Variants in KCNIP4 observed in about 807,000 individuals in gnomAD.
The protein encoded by KCNIP4 is potassium voltage-gated channel interacting protein 4.
KCNIP4 carries 12 observed loss-of-function variants against 34.0 expected under a neutral mutation model. The observed-to-expected ratio is 0.35, with a 90% CI of 0.23 to 0.57. The LOEUF (loss-of-function observed/expected upper bound fraction) is 0.57. Among genes scored for constraint, KCNIP4 ranks in the 20% least tolerant of loss-of-function variants. The pLI is 0.83. For missense variants in KCNIP4, 238 were observed against 311.7 expected (o/e 0.76, Z 1.78); for synonymous variants, 124 against 102.2 (o/e 1.21, Z -1.29).
chr4:21,319,692 C>A (rs2109297117), intron 1 of KCNIP4, among the ~76,000 whole-genome samples: 1 of 152,230 alleles, frequency 6.6e-6, no homozygotes, highest in East Asian at 1.9e-4. Context: ...TCCTGGCCAC[C>A]CTACACAGAT....
chr4:21,610,498 T>C (rs1169338725), intron 1 of KCNIP4, among the ~76,000 whole-genome samples: 3 of 152,318 alleles, frequency 2.0e-5, no homozygotes, highest in African/African-American at 4.8e-5. Context: ...TTTGAGGTAC[T>C]GGAACGTATT....
At position 21,398,788 on chromosome 4, in the gene KCNIP4, C is replaced by T. The variant is rs535151265; in HGVS notation, c.62-516079G>A. ...TCTTTCTTTCTCACTTTTTCTCTCT[C>T]GTAATCTCCTTCTTGCTATCATTCA... is the stretch of plus-strand genomic sequence containing the variant. On this transcript the variant is annotated intron_variant, in intron 1 of 8. Coordinates refer to ENST00000382152, the MANE Select transcript of KCNIP4 (RefSeq NM_025221.6). Among the ~76,000 whole-genome samples the T allele has an allele frequency of 2.6e-5, 4 of 152,296 alleles. No individual in the cohort carries two copies. The East Asian group carries it at 5.8e-4, about 22-fold the overall frequency.
chr4:21,035,357 A>G (rs1022018051), intron 1 of KCNIP4, among the ~76,000 whole-genome samples: 1 of 152,228 alleles, frequency 6.6e-6, no homozygotes, highest in Non-Finnish European at 1.5e-5. Flanking sequence ...ATGAAAAAGT[A>G]GAGTGGTTGA....
intron 1 of KCNIP4, among the ~76,000 whole-genome samples, chr4:21,078,542 C>T (rs1032577972): frequency 6.6e-6 from 1 of 151,984 alleles, no homozygotes; most frequent in Non-Finnish European, 1.5e-5. Context: ...ACTCTACCCT[C>T]ATGATCTAAC....
At chr4:21,524,067 TCTC>T (rs1735770339) in intron 1 of KCNIP4, among the ~76,000 whole-genome samples, 1 of 152,156 alleles carries the variant, frequency 6.6e-6, no homozygotes, top group Non-Finnish European at 1.5e-5. Context: ...TCTGAGCCTC[TCTC>T]CTCCTCCTTT....
At chr4:21,054,294 G>C (rs528247381) in intron 1 of KCNIP4, among the ~76,000 whole-genome samples, 1 of 151,964 alleles carries the variant, frequency 6.6e-6, no homozygotes, top group Non-Finnish European at 1.5e-5. Flanking sequence ...TGAGGTGGGC[G>C]GATCACTTGA....
At chr4:20,946,046 A>G (rs1732161136) in intron 1 of KCNIP4, among the ~76,000 whole-genome samples, 1 of 152,136 alleles carries the variant, frequency 6.6e-6, no homozygotes, top group African/African-American at 2.4e-5. Context: ...AATACTGAGA[A>G]GTTTATATAT....
At chr4:21,901,765 G>A (rs1261719306) in intron 1 of KCNIP4, among the ~76,000 whole-genome samples, 1 of 151,888 alleles carries the variant, frequency 6.6e-6, no homozygotes, top group Non-Finnish European at 1.5e-5. Flanking sequence ...CACAAACTTT[G>A]TTTTCATACA....
At position 20,984,671 on chromosome 4, in the gene KCNIP4, A is replaced by T. The variant is rs894348624; in HGVS notation, c.62-101962T>A. 5.9e-5 allele frequency among the ~76,000 whole-genome samples: 9 copies of T among 152,314 alleles called. 1 individual carries two copies. Among genetic ancestry groups the T allele is most frequent in the Admixed American group, 2.0e-4 (3 of 15,294 alleles). ...TCTCCGCTGTCACGTCGGGCGCATT[A>T]TCAGGGAGATTGATTTAGTCCTTAT... On this transcript the variant is annotated intron_variant, in intron 1 of 8. Transcript: ENST00000382152.
chr4:20,738,261 C>T (rs143496607), intron 5 of KCNIP4, among the ~76,000 whole-genome samples: 24 of 152,138 alleles, frequency 1.6e-4, no homozygotes, highest in African/African-American at 3.6e-4. Context: ...TCAATGTAAA[C>T]GATATTTTTA....
At chr4:20,860,286 C>T (rs1410526057) in intron 2 of KCNIP4, among the ~76,000 whole-genome samples, 2 of 152,038 alleles carry the variant, frequency 1.3e-5, no homozygotes, top group Non-Finnish European at 1.5e-5. Flanking sequence ...ATTACAGGAA[C>T]GCCCCACCAC....
At chr4:21,948,445 T>C in intron 1 of KCNIP4, 126 bp downstream of exon 1, 1 of 1,032,876 alleles carries the variant, frequency 9.7e-7, no homozygotes, top group African/African-American at 1.6e-5. Flanking sequence ...TCCCGCCAGG[T>C]GACTGTGTCT....
chr4:21,773,778 G>GTTTTTTTTTT (rs1718992965), intron 1 of KCNIP4, among the ~76,000 whole-genome samples: 1 of 117,704 alleles, frequency 8.5e-6, no homozygotes, highest in African/African-American at 4.3e-5. Flanking sequence ...TTTTTGTTTT[G>GTTTTTTTTTT]TTTACCATTT....
chr4:20,855,930 T>C (rs1419767279), intron 2 of KCNIP4, among the ~76,000 whole-genome samples: 2 of 152,162 alleles, frequency 1.3e-5, no homozygotes, highest in Non-Finnish European at 1.5e-5. Flanking sequence ...AAGTAAGTAG[T>C]TGTGCTCCTA....
At chr4:21,592,464 T>C (rs1332596474) in intron 1 of KCNIP4, among the ~76,000 whole-genome samples, 1 of 152,140 alleles carries the variant, frequency 6.6e-6, no homozygotes, top group Non-Finnish European at 1.5e-5. Context: ...GAAATTATCA[T>C]TGATTGGTTG....
At chr4:21,505,598 G>A (rs770863419) in intron 1 of KCNIP4, among the ~76,000 whole-genome samples, 2 of 151,994 alleles carry the variant, frequency 1.3e-5, no homozygotes, top group Non-Finnish European at 2.9e-5. Context: ...TCATCTCCAT[G>A]GAAACTTTCT....
At chr4:21,360,399 A>T (rs1188545706) in intron 1 of KCNIP4, among the ~76,000 whole-genome samples, 1 of 152,084 alleles carries the variant, frequency 6.6e-6, no homozygotes, top group African/African-American at 2.4e-5. Flanking sequence ...TTGCTTATCT[A>T]TTGAAGTAAA....
chr4:21,400,518 CTCTTCTCTT>C (rs1560369190), intron 1 of KCNIP4, among the ~76,000 whole-genome samples: 433 of 31,288 alleles, frequency 0.014, 21 homozygotes, highest in African/African-American at 0.057. Flanking sequence ...CCTTCCTCTT[CTCTTCTCTT>C]CTCTTCTCTT....
chr4:21,754,847 A>G (rs1378390202), intron 1 of KCNIP4, among the ~76,000 whole-genome samples: 1 of 152,200 alleles, frequency 6.6e-6, no homozygotes, highest in East Asian at 1.9e-4. Context: ...CAGAGTTAAC[A>G]TAAAAATATG....
Sources: allele counts gnomAD v4.1 joint callset (sites outside exome capture counted in the v4.1 genomes callset), GRCh38; gene constraint gnomAD v4.1.1; transcripts MANE v1.5; gene names NCBI Gene and HGNC (gene_info 2026-07-23, HGNC 2026-07-21).